The following UTY variants were observed in gnomAD, a reference collection of about 807,000 sequenced individuals.
The protein encoded by UTY is ubiquitously transcribed tetratricopeptide repeat containing, Y-linked.
A neutral mutation model predicts 32.5 loss-of-function variants in UTY; 12 were observed. The observed-to-expected ratio is 0.37, with a 90% CI of 0.24 to 0.60. The LOEUF (loss-of-function observed/expected upper bound fraction) is 0.60, where lower values mean the gene tolerates loss of function less well. UTY is among the 20% of genes least tolerant of loss of function. The pLI is 0.69. For synonymous variants in UTY, 131 were observed against 103.4 expected (o/e 1.27, Z -1.62); for missense variants, 303 against 299.2 (o/e 1.01, Z -0.09).
At chrY:13,448,002 A>G in intron 4 of UTY, among the ~76,000 whole-genome samples, 1 of 33,652 alleles carries the variant, frequency 3.0e-5, no homozygotes, top group Admixed American at 2.7e-4. Flanking sequence ...TTCTTTTATT[A>G]TATACCTACA....
chrY:13,406,747 TTA>T (rs2070105359), intron 6 of UTY, among the ~76,000 whole-genome samples: 3 of 29,383 alleles, frequency 1.0e-4, no homozygotes, highest in Non-Finnish European at 1.6e-4. Flanking sequence ...TACTGTATAT[TTA>T]TATATATATA....
intron 3 of UTY, among the ~76,000 whole-genome samples, chrY:13,451,758 C>CA (rs2076343999): frequency 3.0e-5 from 1 of 33,292 alleles, no homozygotes. Flanking sequence ...GAGAGGAAGC[C>CA]AAGTAGGGAG....
intron 5 of UTY, among the ~76,000 whole-genome samples, chrY:13,413,442 G>A (rs2071226410): frequency 5.9e-5 from 2 of 33,891 alleles, no homozygotes; most frequent in Non-Finnish European, 1.5e-4. Context: ...TGAACCAACT[G>A]GGAGGCACAC....
intron 18 of UTY, among the ~76,000 whole-genome samples, chrY:13,330,705 A>T (rs774568166): frequency 3.0e-5 from 1 of 33,678 alleles, no homozygotes; most frequent in East Asian, 7.9e-4. Flanking sequence ...CCAGGCAGCC[A>T]AGTGGTCTCA....
At chrY:13,480,385 G>GAT (rs2079575019), upstream of UTY, 1 of 34,044 alleles carries the variant, frequency 2.9e-5, no homozygotes, top group Non-Finnish European at 7.3e-5. Context: ...TGGACTTTAG[G>GAT]AGAGTCCGTA....
At chrY:13,470,956 T>C in intron 2 of UTY, among the ~76,000 whole-genome samples, 1 of 33,298 alleles carries the variant, frequency 3.0e-5, no homozygotes, top group Non-Finnish European at 7.4e-5. Flanking sequence ...TTCAAAGATT[T>C]CACACAAACT....
At chrY:13,426,756 A>T in intron 4 of UTY, among the ~76,000 whole-genome samples, 1 of 33,093 alleles carries the variant, frequency 3.0e-5, no homozygotes, top group Non-Finnish European at 7.5e-5. Context: ...CACGAAAGAA[A>T]GAAAAGTCTA....
chrY:13,375,042 T>C (rs772810234), intron 8 of UTY, among the ~76,000 whole-genome samples: 12 of 34,037 alleles, frequency 3.5e-4, no homozygotes, highest in Admixed American at 3.2e-3. Context: ...TCTCCTCCTC[T>C]ATTTTTCTGT....
chrY:13,363,174 T>C, intron 10 of UTY, among the ~76,000 whole-genome samples: 1 of 32,810 alleles, frequency 3.0e-5, no homozygotes, highest in African/African-American at 1.2e-4. Flanking sequence ...AGTGCTGGGA[T>C]TACAGGTGTG....
intron 8 of UTY, among the ~76,000 whole-genome samples, chrY:13,385,305 C>T (rs2066596831): frequency 3.0e-5 from 1 of 33,257 alleles, no homozygotes; most frequent in Non-Finnish European, 7.4e-5. Flanking sequence ...GATGAAGATA[C>T]CAAAGAAAAA....
In UTY at chrY:13,459,500, C is replaced by T. The variant is rs751910350; in HGVS notation, c.326-10434G>A. ...TTACCAATCTCCTTCATTATAGTTT[C>T]TCTGTCGAATTTACCTTATCCAAAG... On this transcript the variant is annotated intron_variant, in intron 3 of 29. Coordinates refer to ENST00000545955, the MANE Select transcript of UTY (RefSeq NM_001258249.2). Among the ~76,000 whole-genome samples, 6 of 33,154 alleles carry T rather than the reference C, an allele frequency of 1.8e-4. No homozygotes were observed. The East Asian group carries it at 4.7e-3, about 26-fold the overall frequency. 88.9% of individuals were successfully genotyped at this position (33,154 alleles called of 37,273 possible).
intron 4 of UTY, among the ~76,000 whole-genome samples, chrY:13,446,607 TAGATAGATAGATAGAC>T (rs2075850787): frequency 1.3e-3 from 27 of 20,599 alleles, no homozygotes; most frequent in South Asian, 0.013. Flanking sequence ...GATAGATAGA[TAGATAGATAGATAGAC>T]AGACAGACAG....
At chrY:13,460,239 A>G (rs774384335) in intron 3 of UTY, among the ~76,000 whole-genome samples, 51 of 33,416 alleles carry the variant, frequency 1.5e-3, no homozygotes, top group Admixed American at 3.4e-3. Context: ...TAAAGAAAAA[A>G]ATTCAAGAGC....
chrY:13,433,384 TAATC>T (rs2074217794), intron 4 of UTY, among the ~76,000 whole-genome samples: 2 of 32,790 alleles, frequency 6.1e-5, no homozygotes, highest in Non-Finnish European at 1.5e-4. Context: ...GTCTTTGAAA[TAATC>T]AATCAATCAA....
intron 18 of UTY, among the ~76,000 whole-genome samples, chrY:13,330,290 C>A: frequency 3.1e-5 from 1 of 32,468 alleles, no homozygotes; most frequent in Non-Finnish European, 7.6e-5. Context: ...GAGACCAACA[C>A]AGAAAGAGGG....
chrY:13,350,256 T>C lies in UTY; in HGVS notation c.2061+4747A>G, dbSNP rs2062256972. On this transcript the variant is annotated intron_variant, in intron 17 of 29. Transcript: ENST00000545955. ...AGACTAGACAGAAATGTTTAAAGTA[T>C]TGAAACAAAAACCCAAACTGGAATT... Among the ~76,000 whole-genome samples, 5 of 33,430 alleles carry C rather than the reference T, an allele frequency of 1.5e-4. No individual in the cohort carries two copies. The East Asian group carries it at 3.9e-3, about 26-fold the overall frequency. The allele number at this position is 33,430 out of a possible 37,273, so 89.7% of individuals were successfully genotyped here.
intron 4 of UTY, among the ~76,000 whole-genome samples, chrY:13,422,772 G>C (rs1046977123): frequency 1.4e-3 from 46 of 33,466 alleles, no homozygotes; most frequent in Non-Finnish European, 7.4e-4. Flanking sequence ...GAGATCTTGA[G>C]ACAGAATTCT....
chrY:13,250,698 G>A, intron 29 of UTY, among the ~76,000 whole-genome samples: 1 of 33,056 alleles, frequency 3.0e-5, no homozygotes, highest in South Asian at 6.8e-4. Flanking sequence ...TAACCTACAT[G>A]TACAAAGGTT....
rs1283295217 is a variant in UTY, at chrY:13,358,552, T to G, written c.1388A>C (p.Gln463Pro). 2 of 377,807 alleles carry G rather than the reference T, an allele frequency of 5.3e-6. No individual in the cohort carries two copies. Among genetic ancestry groups the G allele is most frequent in the Non-Finnish European group, 7.3e-6 (2 of 272,765 alleles). 94.2% of individuals were successfully genotyped at this position (377,807 alleles called of 400,897 possible). ...LNHSQTPILQ[Q>P]SLSLHMITSS... ...AGTAATCATGTGTAGTGACAAGGAT[T>G]GCTGTAAAATTGGTGTTTGACTGTG... Residue 463 changes from glutamine (Q) to proline (P), a missense_variant, in exon 14 of 30, where the codon CAA (glutamine) becomes CCA (proline). Coordinates refer to ENST00000545955, the MANE Select transcript of UTY (RefSeq NM_001258249.2).
Sources: allele counts gnomAD v4.1 joint callset (sites outside exome capture counted in the v4.1 genomes callset), GRCh38; gene constraint gnomAD v4.1.1; transcripts MANE v1.5; gene names NCBI Gene and HGNC (gene_info 2026-07-23, HGNC 2026-07-21).